The following KCNN2 variants were observed in gnomAD, a reference collection of about 807,000 sequenced individuals.
The protein encoded by KCNN2 is small conductance calcium-activated potassium channel protein 2.
In KCNN2, 24 loss-of-function variants were observed where a neutral mutation model predicts 55.5. The ratio of observed to expected loss-of-function variants is 0.43; its 90% CI spans 0.31 to 0.61. The LOEUF (loss-of-function observed/expected upper bound fraction) is 0.61. Ranked by LOEUF, KCNN2 falls within the 20% of genes least tolerant of loss-of-function variation. KCNN2 has a pLI of 0.08. For missense variants in KCNN2, 754 were observed against 853.6 expected, an observed-to-expected ratio of 0.88 and a Z score of 1.45; for synonymous variants, 431 against 336.1, an observed-to-expected ratio of 1.28 and a Z score of -3.09.
intron 1 of KCNN2, among the ~76,000 whole-genome samples, chr5:114,171,947 T>TA (rs1389518823): frequency 6.6e-6 from 1 of 151,846 alleles, no homozygotes; most frequent in Admixed American, 6.6e-5. Flanking sequence ...TCAGGGTGTA[T>TA]AGTATGGAGC....
intron 2 of KCNN2, among the ~76,000 whole-genome samples, chr5:114,346,889 C>A (rs970994909): frequency 2.0e-5 from 3 of 151,766 alleles, no homozygotes; most frequent in Non-Finnish European, 4.4e-5. Context: ...ATGAACTGTT[C>A]AAAAAATAAT....
intron 2 of KCNN2, among the ~76,000 whole-genome samples, chr5:114,271,367 T>C (rs1230354561): frequency 1.3e-5 from 2 of 152,140 alleles, no homozygotes; most frequent in African/African-American, 4.8e-5. Flanking sequence ...CAGTGCTGAC[T>C]TGTGCATTTA....
chr5:114,465,350 C>T (rs566820138), intron 4 of KCNN2, among the ~76,000 whole-genome samples: 4 of 152,278 alleles, frequency 2.6e-5, no homozygotes, highest in Admixed American at 6.5e-5. Flanking sequence ...CTGTGTCCCA[C>T]GCCTGTAATC....
At chr5:114,278,191 A>T (rs1322626348) in intron 2 of KCNN2, among the ~76,000 whole-genome samples, 3 of 152,102 alleles carry the variant, frequency 2.0e-5, no homozygotes, top group Non-Finnish European at 4.4e-5. Context: ...AGAACAGCAA[A>T]TATTGCTGCC....
intron 2 of KCNN2, among the ~76,000 whole-genome samples, chr5:114,232,922 C>CTCGTTTT (rs200715120): frequency 4.5e-5 from 2 of 44,034 alleles, no homozygotes; most frequent in South Asian, 7.7e-4. Flanking sequence ...TATATTGTTT[C>CTCGTTTT]TTGTTTTTTT....
At chr5:114,169,526 AT>A (rs1180943165) in intron 1 of KCNN2, among the ~76,000 whole-genome samples, 1 of 152,130 alleles carries the variant, frequency 6.6e-6, no homozygotes, top group Non-Finnish European at 1.5e-5. Flanking sequence ...TATTCTGGGG[AT>A]TAGTTCCTGG....
In KCNN2 at chr5:114,496,222, C is replaced by A; in HGVS notation, c.*40C>A. ...ACCACAAAATAAGACTTTTTGCCAT[C>A]ATATGGTCAATATTTTAGCTTTTAT... On this transcript the variant is annotated 3_prime_UTR_variant, in exon 8 of 8. Transcript: ENST00000673685. The A allele has an allele frequency of 6.3e-7, 1 of 1,594,704 alleles. No homozygotes were observed. Among genetic ancestry groups the A allele is most frequent in the Non-Finnish European group, 8.6e-7 (1 of 1,167,478 alleles).
intron 3 of KCNN2, among the ~76,000 whole-genome samples, chr5:114,439,784 C>CA (rs902007551): frequency 1.3e-5 from 2 of 152,068 alleles, no homozygotes; most frequent in East Asian, 1.9e-4. Context: ...AACCAACAAA[C>CA]AAAAAAACAC....
chr5:114,249,544 C>T (rs1200486017), intron 2 of KCNN2, among the ~76,000 whole-genome samples: 3 of 151,970 alleles, frequency 2.0e-5, no homozygotes, highest in Admixed American at 6.6e-5. Flanking sequence ...GCCTCGGCCT[C>T]CCAAAGTGCT....
intron 1 of KCNN2, among the ~76,000 whole-genome samples, chr5:114,109,255 C>G (rs1271061959): frequency 6.6e-6 from 1 of 152,064 alleles, no homozygotes; most frequent in African/African-American, 2.4e-5. Context: ...ATGTAGCTTT[C>G]TCTATAGGGC....
chr5:114,063,451 T>A (rs949099743), intron 1 of KCNN2, among the ~76,000 whole-genome samples: 4 of 152,154 alleles, frequency 2.6e-5, no homozygotes, highest in South Asian at 2.1e-4. Flanking sequence ...AAACACAGAT[T>A]TCTGGGTCCC....
At chr5:114,441,610 T>G (rs745559708) in intron 3 of KCNN2, among the ~76,000 whole-genome samples, 15 of 152,320 alleles carry the variant, frequency 9.8e-5, no homozygotes, top group Non-Finnish European at 1.9e-4. Context: ...CATGATAATA[T>G]GAGGGTGGCA....
At position 114,383,603 on chromosome 5, in the gene KCNN2, G is replaced by A. The variant is rs146365298; in HGVS notation, c.1218+19602G>A. 6.0e-3 allele frequency among the ~76,000 whole-genome samples: 906 copies of A among 152,074 alleles called. 2 individuals carry two copies. Among genetic ancestry groups the A allele is most frequent in the Non-Finnish European group, 9.2e-3 (623 of 67,990 alleles). On this transcript the variant is annotated intron_variant, in intron 2 of 7. Coordinates refer to ENST00000673685, the MANE Select transcript of KCNN2 (RefSeq NM_021614.4). ...CCTGCCTCCGCTTCCCAAGTAGCTG[G>A]GATTACAGGCGGGCGCAGCCATGCT... is the stretch of plus-strand genomic sequence containing the variant.
intron 2 of KCNN2, among the ~76,000 whole-genome samples, chr5:114,399,787 T>G (rs1758729046): frequency 6.6e-6 from 1 of 152,168 alleles, no homozygotes; most frequent in Non-Finnish European, 1.5e-5. Context: ...TTGGAACTTG[T>G]TATTGGTCTG....
intron 2 of KCNN2, among the ~76,000 whole-genome samples, chr5:114,271,688 C>A (rs928883125): frequency 3.9e-5 from 6 of 152,162 alleles, no homozygotes; most frequent in African/African-American, 1.2e-4. Flanking sequence ...TATTCTTCCT[C>A]CCCCTACTCT....
chr5:114,243,788 C>T (rs4505938), intron 2 of KCNN2, among the ~76,000 whole-genome samples: 55,328 of 151,894 alleles, frequency 0.36, 10,585 homozygotes, highest in East Asian at 0.73. Flanking sequence ...GAATGTGTTT[C>T]CCCCAGGATA....
chr5:114,373,640 T>TTATATATATATATATATATATATGTA lies in KCNN2; in HGVS notation c.1218+9657_1218+9658insTATATGTATATATATATATATATATA, dbSNP rs61356539. 8.8e-5 allele frequency among the ~76,000 whole-genome samples: 5 copies of TTATATATATATATATATATATATGTA among 56,720 alleles called. 1 individual carries two copies. In the South Asian group the frequency reaches 3.8e-3, roughly 43 times the overall value. 37.2% of individuals were successfully genotyped at this position (56,720 alleles called of 152,430 possible). On this transcript the variant is annotated intron_variant, in intron 2 of 7. Transcript: ENST00000673685. ...CTCTCATGGTGTTGTTATGAAGATTTTATATATATATATATATAAAATTAC... is the reference window on the plus strand; with the variant it reads ...CTCTCATGGTGTTGTTATGAAGATTTTATATATATATATATATATATATGTATATATATATATATATATAAAATTAC...
chr5:114,269,427 A>G (rs1441094110), intron 2 of KCNN2, among the ~76,000 whole-genome samples: 4 of 151,724 alleles, frequency 2.6e-5, no homozygotes, highest in Non-Finnish European at 4.4e-5. Flanking sequence ...GGGTTTCTCT[A>G]AAGTTCTTAG....
chr5:114,272,461 TATCATACACACATATGTATGTACATATC>T, intron 2 of KCNN2, among the ~76,000 whole-genome samples: 1 of 7,872 alleles, frequency 1.3e-4, no homozygotes, highest in African/African-American at 1.6e-4. Flanking sequence ...TGTATGTACA[TATCATACACACATATGTATGTACATATC>T]ATATACACAT....
Sources: allele counts gnomAD v4.1 joint callset (sites outside exome capture counted in the v4.1 genomes callset), GRCh38; gene constraint gnomAD v4.1.1; transcripts MANE v1.5; gene names NCBI Gene and HGNC (gene_info 2026-07-23, HGNC 2026-07-21).